The following TTC17 variants were observed in gnomAD, a reference collection of about 807,000 sequenced individuals.
TTC17 encodes the protein tetratricopeptide repeat protein 17.
A neutral mutation model predicts 143.8 loss-of-function variants in TTC17; 58 were observed. The ratio of observed to expected loss-of-function variants is 0.40; its 90% CI spans 0.33 to 0.50. TTC17 has a LOEUF of 0.50. Among genes scored for constraint, TTC17 ranks in the 20% least tolerant of loss-of-function variants. The pLI is 0.49. For missense variants in TTC17, 1,273 were observed against 1,392.5 expected (o/e 0.91, Z 1.37); for synonymous variants, 501 against 497.8 (o/e 1.01, Z -0.09).
intron 1 of TTC17, among the ~76,000 whole-genome samples, chr11:43,378,389 C>T (rs1420691994): frequency 6.6e-6 from 1 of 152,232 alleles, no homozygotes; most frequent in Non-Finnish European, 1.5e-5. Flanking sequence ...AGCTCTTATA[C>T]TCTGGTCACT....
rs560045756 is a variant in TTC17 at position 43,375,284 on chromosome 11, G to A, written c.160-3949G>A. Among the ~76,000 whole-genome samples, 18 of 152,186 alleles carry A rather than the reference G, an allele frequency of 1.2e-4. No homozygotes were observed. The South Asian group carries it at 2.7e-3, about 23-fold the overall frequency. ...CAAGGGAAAGAAATTCTCTGACAAC[G>A]GCTTCCCATATGGGGAAGGAAGCAA... On this transcript the variant is annotated intron_variant, in intron 1 of 23. Coordinates refer to ENST00000039989, the MANE Select transcript of TTC17 (RefSeq NM_018259.6).
At chr11:43,410,964 AT>A (rs775984888) in intron 15 of TTC17, among the ~76,000 whole-genome samples, 28 of 151,974 alleles carry the variant, frequency 1.8e-4, no homozygotes, top group Admixed American at 3.9e-4. Context: ...AACCATAATT[AT>A]TTTTGTCTGG....
intron 1 of TTC17, among the ~76,000 whole-genome samples, chr11:43,365,177 C>T (rs1471778736): frequency 2.6e-5 from 4 of 152,096 alleles, no homozygotes; most frequent in African/African-American, 7.2e-5. Context: ...CATAGCTCAC[C>T]GTGACCTTGA....
At chr11:43,392,281 C>T (rs1679439742) in intron 5 of TTC17, among the ~76,000 whole-genome samples, 2 of 152,090 alleles carry the variant, frequency 1.3e-5, no homozygotes, top group African/African-American at 4.8e-5. Context: ...GTTAATATAT[C>T]TATACACAAT....
At position 43,406,676 on chromosome 11, in the gene TTC17, A is replaced by G. The variant is rs1482443145; in HGVS notation, c.1762-462A>G. On this transcript the variant is annotated intron_variant, in intron 13 of 23. Coordinates refer to ENST00000039989, the MANE Select transcript of TTC17 (RefSeq NM_018259.6). Reference sequence around the variant, plus strand: ...TGTGCCAGACATTGTTTTGGATGCTAGGAATACAAAAAGATAAACAGACCA... The same window carrying G: ...TGTGCCAGACATTGTTTTGGATGCTGGGAATACAAAAAGATAAACAGACCA... Among the ~76,000 whole-genome samples, 6 of 152,140 alleles carry G rather than the reference A, an allele frequency of 3.9e-5. No homozygotes were observed. The East Asian group carries it at 9.6e-4, about 24-fold the overall frequency.
chr11:43,476,201 C>G (rs1444737932), intron 21 of TTC17, among the ~76,000 whole-genome samples: 1 of 152,090 alleles, frequency 6.6e-6, no homozygotes, highest in Non-Finnish European at 1.5e-5. Flanking sequence ...GTATTTGAAC[C>G]AGTATTCTTT....
chr11:43,456,311 C>T (rs575806056), intron 21 of TTC17, among the ~76,000 whole-genome samples: 1 of 152,198 alleles, frequency 6.6e-6, no homozygotes, highest in East Asian at 1.9e-4. Context: ...TCTACTACTA[C>T]TCAACATGAG....
chr11:43,363,679 G>A (rs1001510321), intron 1 of TTC17, among the ~76,000 whole-genome samples: 2 of 152,172 alleles, frequency 1.3e-5, no homozygotes, highest in Non-Finnish European at 2.9e-5. Flanking sequence ...AGATTATGTA[G>A]TACAACTCCT....
intron 1 of TTC17, among the ~76,000 whole-genome samples, chr11:43,377,800 A>G (rs1381658702): frequency 2.6e-5 from 4 of 152,210 alleles, no homozygotes; most frequent in Admixed American, 2.6e-4. Flanking sequence ...TATGCTTTAA[A>G]TAGTTCTTTC....
chr11:43,455,116 A>T (rs1947738502), intron 21 of TTC17, among the ~76,000 whole-genome samples: 1 of 151,536 alleles, frequency 6.6e-6, no homozygotes, highest in Non-Finnish European at 1.5e-5. Flanking sequence ...TAACAATATA[A>T]AAGCCCTCCT....
intron 1 of TTC17, among the ~76,000 whole-genome samples, chr11:43,369,381 A>G (rs1340939674): frequency 6.6e-6 from 1 of 152,164 alleles, no homozygotes; most frequent in Admixed American, 6.5e-5. Flanking sequence ...TACCTAGATT[A>G]TTTTATGTAA....
chr11:43,434,205 ACACACACACACACACACACACACACACT>A (rs1267081983), intron 16 of TTC17, among the ~76,000 whole-genome samples: 4 of 135,768 alleles, frequency 2.9e-5, no homozygotes, highest in African/African-American at 9.8e-5. Flanking sequence ...ACACACACAC[ACACACACACACACACACACACACACACT>A]CTCATGGCCT....
intron 16 of TTC17, among the ~76,000 whole-genome samples, chr11:43,420,736 A>G (rs967599565): frequency 7.2e-5 from 11 of 152,170 alleles, no homozygotes; most frequent in South Asian, 2.1e-4. Flanking sequence ...GACATTATAT[A>G]TAAATATTTG....
At chr11:43,459,262 C>G (rs2134782896) in intron 21 of TTC17, among the ~76,000 whole-genome samples, 1 of 152,294 alleles carries the variant, frequency 6.6e-6, no homozygotes, top group African/African-American at 2.4e-5. Flanking sequence ...AATCCATCTG[C>G]CTATATGTCA....
At chr11:43,404,314 G>A (rs575618735) in intron 11 of TTC17, among the ~76,000 whole-genome samples, 170 bp downstream of exon 11, 1 of 152,314 alleles carries the variant, frequency 6.6e-6, no homozygotes, top group African/African-American at 2.4e-5. Flanking sequence ...TAGTGAATGA[G>A]TAAGATGCAA....
At chr11:43,480,167 C>G (rs1254671026) in intron 21 of TTC17, among the ~76,000 whole-genome samples, 1 of 152,174 alleles carries the variant, frequency 6.6e-6, no homozygotes, top group East Asian at 1.9e-4. Flanking sequence ...ATCACAGTAG[C>G]CATGTATTCA....
rs763479610 is a variant in TTC17 at position 43,444,112 on chromosome 11, T to C, written c.2568T>C (p.Pro856=). ...KKPKGDHKKT[P]GKKVETGQIE... ...CCAAAGGAGATCATAAGAAAACTCC[T>C]GGGAAAAAAGTAGAAACAGGTCAGA... is the stretch of plus-strand genomic sequence containing the variant. The change falls in exon 18 of 24, where the codon CCT becomes CCC. Residue 856 remains proline, a synonymous_variant. Transcript: ENST00000039989. 4.1e-5 allele frequency: 66 copies of C among 1,613,102 alleles called. No homozygotes were observed. The highest frequency in any genetic ancestry group is 5.5e-5 in the Non-Finnish European group (65 of 1,179,636).
chr11:43,469,481 G>A (rs1948047386), intron 21 of TTC17, among the ~76,000 whole-genome samples: 1 of 152,158 alleles, frequency 6.6e-6, no homozygotes, highest in Non-Finnish European at 1.5e-5. Context: ...CCCATCAATA[G>A]AAGAATAGGT....
chr11:43,407,659 A>G (rs1490105359), intron 15 of TTC17, 82 bp downstream of exon 15: 1 of 1,296,610 alleles, frequency 7.7e-7, no homozygotes, highest in Non-Finnish European at 1.1e-6. Context: ...TTTTCTAGGG[A>G]AAGCATAAAA....
Sources: allele counts gnomAD v4.1 joint callset (sites outside exome capture counted in the v4.1 genomes callset), GRCh38; gene constraint gnomAD v4.1.1; transcripts MANE v1.5; gene names NCBI Gene and HGNC (gene_info 2026-07-23, HGNC 2026-07-21).